The following NEDD4 variants were observed in gnomAD, a reference collection of about 807,000 sequenced individuals.
The protein encoded by NEDD4 is NEDD4 E3 ubiquitin protein ligase.
NEDD4 carries 99 observed loss-of-function variants against 144.9 expected under a neutral mutation model. The ratio of observed to expected loss-of-function variants is 0.68; its 90% CI spans 0.58 to 0.81. The LOEUF (loss-of-function observed/expected upper bound fraction) is 0.81. NEDD4 is among the 30% of genes least tolerant of loss of function. NEDD4 has a pLI of 0.00. For missense variants in NEDD4, 985 were observed against 1,065.9 expected (o/e 0.92, Z 1.06); for synonymous variants, 318 against 350.6 (o/e 0.91, Z 1.04).
At chr15:55,939,061 G>C (rs2036945756) in intron 4 of NEDD4, among the ~76,000 whole-genome samples, 1 of 152,120 alleles carries the variant, frequency 6.6e-6, no homozygotes, top group Admixed American at 6.6e-5. Flanking sequence ...AGCCATGATT[G>C]TGCCACTGCG....
chr15:55,919,160 A>G (rs1181977712), intron 5 of NEDD4, among the ~76,000 whole-genome samples: 5 of 152,174 alleles, frequency 3.3e-5, no homozygotes, highest in Admixed American at 3.3e-4. Context: ...ATAACTACAC[A>G]TTTCTTCTGA....
intron 18 of NEDD4, among the ~76,000 whole-genome samples, chr15:55,842,475 C>G (rs2033559598): frequency 6.6e-6 from 1 of 152,198 alleles, no homozygotes; most frequent in Non-Finnish European, 1.5e-5. Flanking sequence ...CAGCCTCGAC[C>G]TCATGGGCTC....
intron 4 of NEDD4, among the ~76,000 whole-genome samples, chr15:55,936,959 AT>A (rs1342449818): frequency 6.6e-6 from 1 of 151,858 alleles, no homozygotes; most frequent in African/African-American, 2.4e-5. Flanking sequence ...TGCCCAGCTG[AT>A]TTTTGTATTT....
chr15:55,857,253 C>T (rs566160100), intron 11 of NEDD4, among the ~76,000 whole-genome samples: 18 of 152,282 alleles, frequency 1.2e-4, no homozygotes, highest in South Asian at 4.1e-4. Flanking sequence ...ATCATTTATT[C>T]TTTAGGTCTT....
intron 7 of NEDD4, among the ~76,000 whole-genome samples, chr15:55,870,504 CT>C (rs1200571286): frequency 6.9e-6 from 1 of 144,502 alleles, no homozygotes; most frequent in Non-Finnish European, 1.5e-5. Context: ...GCTGCTGCTG[CT>C]TTTTTTTTCT....
In NEDD4 at chr15:55,838,146, T is replaced by A; in HGVS notation, c.2162A>T (p.Glu721Val). 1.3e-6 allele frequency: 2 copies of A among 1,596,486 alleles called. No homozygotes were observed. Among genetic ancestry groups the A allele is most frequent in the Non-Finnish European group, 1.7e-6 (2 of 1,168,880 alleles). ...TTTGTTCTTATTGGTGACAACTATT[T>A]CTGATCCACCATTTTTCAGCTCATG... ...HQHELKNGGSEIVVTNKNKKE... is the reference protein window; with the variant it reads ...HQHELKNGGSVIVVTNKNKKE... The change falls in exon 23 of 29, where the codon GAA becomes GTA. Residue 721 changes from glutamate to valine, a missense_variant. Coordinates refer to ENST00000435532, the MANE Select transcript of NEDD4 (RefSeq NM_006154.4).
At chr15:55,983,295 T>TGC (rs1555409965) in intron 1 of NEDD4, among the ~76,000 whole-genome samples, 2 of 147,334 alleles carry the variant, frequency 1.4e-5, no homozygotes, top group Admixed American at 6.8e-5. Context: ...GGTGTGTGTG[T>TGC]GTGTGCGTGC....
intron 5 of NEDD4, chr15:55,916,612 C>A (rs1166235065): frequency 1.2e-6 from 2 of 1,614,020 alleles, no homozygotes; most frequent in South Asian, 2.2e-5. Context: ...GATGAGGGAA[C>A]AGATGATCTT....
intron 5 of NEDD4, chr15:55,915,503 A>G: frequency 6.2e-7 from 1 of 1,613,856 alleles, no homozygotes. Context: ...TCATCTGTGA[A>G]TGTGGTCTTT....
intron 1 of NEDD4, among the ~76,000 whole-genome samples, chr15:55,975,791 C>T (rs72734384): frequency 0.15 from 22,626 of 152,138 alleles, 1,825 homozygotes; most frequent in East Asian, 0.32. Flanking sequence ...TCCTAAAATA[C>T]ATGGAATCAC....
Position 55,834,230 on chromosome 15 carries a change from T to C in NEDD4, c.2319A>G (p.Leu773=), listed in dbSNP as rs751256217. Residue 773 remains leucine, a synonymous_variant, in exon 25 of 29, where the codon CTA becomes CTG. Transcript: ENST00000435532. ...DLIKIFDENE[L]ELLMCGLGDV... Reference sequence around the variant, plus strand: ...AACATAAAATGTTATGTCTTACCTCTAGTTCATTTTCATCAAAAATTTTGA... The same window carrying C: ...AACATAAAATGTTATGTCTTACCTCCAGTTCATTTTCATCAAAAATTTTGA... The C allele has an allele frequency of 1.2e-5, 19 of 1,608,928 alleles. No homozygotes were observed. The highest frequency in any genetic ancestry group is 1.6e-5 in the Non-Finnish European group (19 of 1,175,606).
chr15:55,891,252 T>A lies in NEDD4; in HGVS notation c.292-17244A>T, dbSNP rs189919943. 3.6e-3 allele frequency among the ~76,000 whole-genome samples: 544 copies of A among 152,284 alleles called. 5 individuals carry two copies. Among genetic ancestry groups the A allele is most frequent in the African/African-American group, 0.012 (515 of 41,558 alleles). The stretch of plus-strand genomic sequence containing the variant: ...TCCCAAATAGCTGTATTTCCAATAT[T>A]TGAAAAATGAAAAAATTTTCCAAAC... On this transcript the variant is annotated intron_variant, in intron 5 of 28. Transcript: ENST00000435532.
chr15:55,842,107 G>A lies in NEDD4; in HGVS notation c.1665C>T (p.Asp555=), dbSNP rs1595734957. The A allele has an allele frequency of 6.2e-7, 1 of 1,614,158 alleles. No homozygotes were observed. Among genetic ancestry groups the A allele is most frequent in the Non-Finnish European group, 8.5e-7 (1 of 1,180,026 alleles). The part of the protein sequence containing the change: ...MKLRRATVLE[D]SYRRIMGVKR... ...TGACACCCATAATTCTCCGGTAAGA[G>A]TCTTCAAGAACAGTTGCTCGGCGAA... The change falls in exon 19 of 29, where the codon GAC becomes GAT. Residue 555 remains aspartate (D), a synonymous_variant. Transcript: ENST00000435532.
chr15:55,836,726 C>A (rs375115312), intron 24 of NEDD4, among the ~76,000 whole-genome samples: 1 of 152,088 alleles, frequency 6.6e-6, no homozygotes, highest in Non-Finnish European at 1.5e-5. Context: ...CAGGGTTTCA[C>A]CACATTAGCC....
At chr15:55,940,684 T>C (rs1487630769) in intron 4 of NEDD4, among the ~76,000 whole-genome samples, 4 of 152,018 alleles carry the variant, frequency 2.6e-5, no homozygotes, top group African/African-American at 9.7e-5. Context: ...TGTGCCACCA[T>C]GCCTTGTGAA....
chr15:55,923,003 G>A (rs1429121877), intron 5 of NEDD4, among the ~76,000 whole-genome samples: 1 of 152,008 alleles, frequency 6.6e-6, no homozygotes, highest in East Asian at 1.9e-4. Flanking sequence ...GGCCAACATG[G>A]TGAAACCCCG....
At chr15:55,871,131 T>C (rs1350534769) in intron 7 of NEDD4, among the ~76,000 whole-genome samples, 2 of 152,202 alleles carry the variant, frequency 1.3e-5, no homozygotes, top group African/African-American at 2.4e-5. Context: ...GAAATCCTGA[T>C]GCTTATTCCC....
chr15:55,939,580 G>A (rs1452424257), intron 4 of NEDD4, among the ~76,000 whole-genome samples: 2 of 151,846 alleles, frequency 1.3e-5, no homozygotes, highest in African/African-American at 4.8e-5. Flanking sequence ...ACAAACAAAT[G>A]GCCCACTCTT....
intron 4 of NEDD4, among the ~76,000 whole-genome samples, chr15:55,926,498 G>C (rs918668103): frequency 2.0e-5 from 3 of 152,204 alleles, no homozygotes; most frequent in Non-Finnish European, 4.4e-5. Context: ...GGCCGGATGT[G>C]CTGGTTCACA....
Sources: gnomAD v4.1 joint callset for allele counts (sites outside exome capture counted in the v4.1 genomes callset) on GRCh38, gnomAD v4.1.1 for gene constraint, MANE v1.5 for transcripts, NCBI Gene and HGNC (gene_info 2026-07-23, HGNC 2026-07-21) for gene names.